FLRT1: variants seen among roughly 807,000 people sequenced by gnomAD.
FLRT1 encodes fibronectin leucine rich transmembrane protein 1.
In FLRT1, 14 loss-of-function variants were observed where a neutral mutation model predicts 30.9. That is an observed-to-expected ratio of 0.45 (90% CI 0.30 to 0.71). The LOEUF (loss-of-function observed/expected upper bound fraction) is 0.71, where lower values mean the gene tolerates loss of function less well. Ranked by LOEUF, FLRT1 falls within the 30% of genes least tolerant of loss-of-function variation. The pLI, the probability that FLRT1 is intolerant of heterozygous loss-of-function variation, is 0.08. For missense variants in FLRT1, 737 were observed against 949.2 expected, an observed-to-expected ratio of 0.78 and a Z score of 2.94; for synonymous variants, 368 against 430.4, an observed-to-expected ratio of 0.85 and a Z score of 1.80.
chr11:64,071,550 G>A (rs1362510872), intron 1 of FLRT1, among the ~76,000 whole-genome samples: 24 of 152,112 alleles, frequency 1.6e-4, no homozygotes, highest in Admixed American at 1.6e-3. Flanking sequence ...GCCCACTCTG[G>A]GCAGGGTGGG....
chr11:64,111,693 C>G (rs1434741844), intron 2 of FLRT1, among the ~76,000 whole-genome samples: 1 of 152,198 alleles, frequency 6.6e-6, no homozygotes, highest in African/African-American at 2.4e-5. Context: ...GTCACCCCAC[C>G]ACCTAGGCTT....
intron 1 of FLRT1, among the ~76,000 whole-genome samples, chr11:64,066,419 C>T (rs548053567): frequency 3.5e-4 from 53 of 151,898 alleles, no homozygotes; most frequent in African/African-American, 1.1e-3. Context: ...TTCAGACCAG[C>T]CTGGGCAACA....
At chr11:64,078,287 C>G (rs924798103) in intron 1 of FLRT1, among the ~76,000 whole-genome samples, 7 of 152,222 alleles carry the variant, frequency 4.6e-5, no homozygotes, top group Non-Finnish European at 1.0e-4. Flanking sequence ...CATGAGACCC[C>G]TGCCCTGGCC....
At chr11:64,089,329 G>A (rs1344474064) in intron 1 of FLRT1, among the ~76,000 whole-genome samples, 1 of 152,198 alleles carries the variant, frequency 6.6e-6, no homozygotes, top group African/African-American at 2.4e-5. Flanking sequence ...GTGTGCCAGG[G>A]ATTCGGACCC....
chr11:64,058,171 T>C (rs544578243), intron 1 of FLRT1, among the ~76,000 whole-genome samples: 1 of 152,370 alleles, frequency 6.6e-6, no homozygotes, highest in East Asian at 1.9e-4. Context: ...TGGAATGCTG[T>C]CCACCCACGA....
chr11:64,095,957 G>A (rs1280599952), intron 1 of FLRT1, among the ~76,000 whole-genome samples: 1 of 132,494 alleles, frequency 7.5e-6, no homozygotes, highest in Admixed American at 8.1e-5. Flanking sequence ...TCCCTGGGGA[G>A]TCTCCAGCAG....
intron 1 of FLRT1, among the ~76,000 whole-genome samples, chr11:64,093,934 G>T (rs1202918849): frequency 2.6e-5 from 4 of 152,224 alleles, no homozygotes; most frequent in African/African-American, 4.8e-5. Flanking sequence ...GAATCACCTT[G>T]CTCTGCAGAA....
At chr11:64,043,703 C>T (rs1943531703) in intron 1 of FLRT1, among the ~76,000 whole-genome samples, 1 of 152,130 alleles carries the variant, frequency 6.6e-6, no homozygotes, top group South Asian at 2.1e-4. Context: ...AAGGACTCTA[C>T]CTTGCAGAAT....
At chr11:64,038,089 CCT>C (rs1335564924) in intron 1 of FLRT1, among the ~76,000 whole-genome samples, 1 of 152,156 alleles carries the variant, frequency 6.6e-6, no homozygotes, top group African/African-American at 2.4e-5. Flanking sequence ...GTGGCAGCGC[CCT>C]GTGTCCCCTC....
At chr11:64,054,899 T>A (rs993493862) in intron 1 of FLRT1, among the ~76,000 whole-genome samples, 7 of 152,062 alleles carry the variant, frequency 4.6e-5, no homozygotes, top group Non-Finnish European at 8.8e-5. Flanking sequence ...CACTACTCTT[T>A]CTGTCTTGGT....
chr11:64,046,571 G>A (rs1175200101), intron 1 of FLRT1, among the ~76,000 whole-genome samples: 5 of 152,038 alleles, frequency 3.3e-5, no homozygotes, highest in African/African-American at 1.2e-4. Context: ...TTCTTTTTGA[G>A]ACGGAGTTTT....
At chr11:64,071,105 G>A (rs965094653) in intron 1 of FLRT1, among the ~76,000 whole-genome samples, 1 of 152,118 alleles carries the variant, frequency 6.6e-6, no homozygotes, top group Non-Finnish European at 1.5e-5. Context: ...ACCTGGGGTG[G>A]CTTTTTGCCT....
At position 64,116,703 on chromosome 11, in the gene FLRT1, T is replaced by G. The variant is rs745977740; in HGVS notation, c.436T>G (p.Ser146Ala). 7 of 1,613,726 alleles carry G rather than the reference T, an allele frequency of 4.3e-6. No homozygotes were observed. Among genetic ancestry groups the G allele is most frequent in the Non-Finnish European group, 5.1e-6 (6 of 1,180,010 alleles). The change falls in exon 3 of 3, where the codon TCG becomes GCG. Residue 146 changes from serine to alanine, a missense_variant. By Grantham distance (99) the Ser-to-Ala change is moderately conservative. Transcript: ENST00000682287. ...DNNVRTIARD[S>A]LARIPLLEKL... is the part of the protein sequence containing the mutation. ...CAATGTGCGCACCATTGCCAGGGACTCGCTGGCCCGCATCCCGCTGCTGGA... is the reference window on the plus strand; with the variant it reads ...CAATGTGCGCACCATTGCCAGGGACGCGCTGGCCCGCATCCCGCTGCTGGA...
chr11:64,117,916 G>A lies in FLRT1; in HGVS notation c.1649G>A (p.Ser550Asn), dbSNP rs1315246276. ...GAGCAGAACGCTGGCCCCATGGCGAGCCTGCCCCTGGCGGGCATCATCGGC... is the reference window on the plus strand; with the variant it reads ...GAGCAGAACGCTGGCCCCATGGCGAACCTGCCCCTGGCGGGCATCATCGGC... Reference protein sequence around the residue: ...NQEQNAGPMASLPLAGIIGGA... With the variant: ...NQEQNAGPMANLPLAGIIGGA... The change falls in exon 3 of 3, where the codon AGC (serine) becomes AAC (asparagine). Residue 550 changes from serine (S) to asparagine (N), a missense_variant. By Grantham distance (46) the Ser-to-Asn change is conservative. Coordinates refer to ENST00000682287, the MANE Select transcript of FLRT1 (RefSeq NM_013280.5). 1.9e-6 allele frequency: 3 copies of A among 1,613,900 alleles called. No individual in the cohort carries two copies. The highest frequency in any genetic ancestry group is 2.2e-5 in the East Asian group (1 of 44,882).
intron 1 of FLRT1, among the ~76,000 whole-genome samples, chr11:64,079,786 C>T (rs1448024487): frequency 6.6e-6 from 1 of 152,070 alleles, no homozygotes; most frequent in African/African-American, 2.4e-5. Flanking sequence ...AAGGCACTTC[C>T]ATCTGGAGGT....
In FLRT1 at chr11:64,065,789, CAAA is replaced by C. The variant is rs58096977; in HGVS notation, c.-1038+29649_-1038+29651del. Among the ~76,000 whole-genome samples, 37 of 67,562 alleles carry C rather than the reference CAAA, an allele frequency of 5.5e-4. 1 individual carries two copies. The highest frequency in any genetic ancestry group is 1.3e-3 in the African/African-American group (29 of 22,426). The allele number at this position is 67,562 out of a possible 152,430, so 44.3% of individuals were successfully genotyped here. A position where few individuals can be genotyped will look rare whatever the true frequency, so the allele number is the denominator to read the frequency against. On this transcript the variant is annotated intron_variant, in intron 1 of 2. Transcript: ENST00000682287. ...TGGGCGACAGAGCACGACTCCGCCT[CAAA>C]AAAAAAAAAAAAAAAAAAGATGAAC...
At chr11:64,069,807 G>A (rs536124449) in intron 1 of FLRT1, among the ~76,000 whole-genome samples, 28 of 152,336 alleles carry the variant, frequency 1.8e-4, no homozygotes, top group Admixed American at 1.6e-3. Context: ...CGCAGCAGAC[G>A]CAACAGGCTT....
At chr11:64,095,895 G>A (rs1303152208) in intron 1 of FLRT1, among the ~76,000 whole-genome samples, 6 of 152,190 alleles carry the variant, frequency 3.9e-5, no homozygotes, top group African/African-American at 1.4e-4. Flanking sequence ...CCGAGGGAGG[G>A]AGCTGACTGC....
chr11:64,108,640 G>A (rs1295437248), intron 2 of FLRT1, among the ~76,000 whole-genome samples: 1 of 152,252 alleles, frequency 6.6e-6, no homozygotes, highest in Admixed American at 6.5e-5. Flanking sequence ...AGTGGGAGGT[G>A]GGACTGGGGT....
Sources: gnomAD v4.1 joint callset for allele counts (sites outside exome capture counted in the v4.1 genomes callset) on GRCh38, gnomAD v4.1.1 for gene constraint, MANE v1.5 for transcripts, NCBI Gene and HGNC (gene_info 2026-07-23, HGNC 2026-07-21) for gene names.